The following SNX31 variants were observed in gnomAD, a reference collection of about 807,000 sequenced individuals.
SNX31 encodes the protein sorting nexin 31.
A neutral mutation model predicts 65.4 loss-of-function variants in SNX31; 58 were observed. That is an observed-to-expected ratio of 0.89 (90% CI 0.72 to 1.10). SNX31 has a LOEUF of 1.10. Among genes scored for constraint, SNX31 ranks in the 50% least tolerant of loss-of-function variants. The probability of loss-of-function intolerance (pLI) is 0.00; values close to 1 mark genes in which losing one functional copy is unlikely to be tolerated. For missense variants in SNX31, 523 were observed against 529.7 expected, an observed-to-expected ratio of 0.99 and a Z score of 0.12; for synonymous variants, 181 against 190.1, an observed-to-expected ratio of 0.95 and a Z score of 0.39.
intron 4 of SNX31, among the ~76,000 whole-genome samples, chr8:100,620,912 G>A (rs1201422561): frequency 6.6e-6 from 1 of 152,148 alleles, no homozygotes; most frequent in Non-Finnish European, 1.5e-5. Flanking sequence ...GAGGTCAGGA[G>A]TTCGAGACCA....
rs1819889864 is a variant in SNX31, at chr8:100,649,530, TG to T, written c.-17del. ...GCATCTTCATGGCTGAGCGGTGTCT[TG>T]GGAGTAGCGCTGGGAACCCGACCTG... On this transcript the variant is annotated 5_prime_UTR_variant, in exon 1 of 14. Transcript: ENST00000311812. The T allele has an allele frequency of 6.4e-7, 1 of 1,558,702 alleles. No homozygotes were observed. Among genetic ancestry groups the T allele is most frequent in the Admixed American group, 1.9e-5 (1 of 51,610 alleles).
rs914397290 is a variant in SNX31, at chr8:100,588,310, A to T, written c.1092+556T>A. Among the ~76,000 whole-genome samples the T allele has an allele frequency of 6.6e-6, 1 of 152,224 alleles. No homozygotes were observed. The highest frequency in any genetic ancestry group is 2.4e-5 in the African/African-American group (1 of 41,458). ...CATTTGGGATAAGGGATACTCAACC[A>T]GTGGCTTTTTATCTGCTTGGAAAAG... On this transcript the variant is annotated intron_variant, in intron 11 of 13. Transcript: ENST00000311812. The surrounding 1 kb of genome is among the most constrained non-coding windows in gnomAD (Gnocchi z 4.8).
In SNX31 at chr8:100,629,277, G is replaced by A. The variant is rs1818265341; in HGVS notation, c.321+1050C>T. On this transcript the variant is annotated intron_variant, in intron 4 of 13. Transcript: ENST00000311812. The surrounding 1 kb of genome is among the most constrained non-coding windows in gnomAD (Gnocchi z 5.1). ...ATACACAACAGTTGTCACTGAGGAGGGGGATCATAAGGGAAGAAAAGTTAC... is the reference window on the plus strand; with the variant it reads ...ATACACAACAGTTGTCACTGAGGAGAGGGATCATAAGGGAAGAAAAGTTAC... Among the ~76,000 whole-genome samples the A allele has an allele frequency of 6.6e-6, 1 of 152,166 alleles. No homozygotes were observed. Among genetic ancestry groups the A allele is most frequent in the Admixed American group, 6.5e-5 (1 of 15,278 alleles).
At chr8:100,658,110 T>C (rs1820080449) in intron 1 of SNX31, among the ~76,000 whole-genome samples, 1 of 152,060 alleles carries the variant, frequency 6.6e-6, no homozygotes, top group Non-Finnish European at 1.5e-5. Flanking sequence ...TTTAATTGTT[T>C]TTTGGAGGAT....
chr8:100,600,445 A>C lies in SNX31; in HGVS notation c.682-4T>G. On this transcript the variant is annotated splice_region_variant and splice_polypyrimidine_tract_variant and intron_variant, in intron 8 of 13. Coordinates refer to ENST00000311812, the MANE Select transcript of SNX31 (RefSeq NM_152628.4). ...CTTTTTCAATGTCCTGTATTGCCTT[A>C]AAATAACATAAGTTGTAAAATTAGC... is the stretch of plus-strand genomic sequence containing the variant. 1 of 1,606,660 alleles carries C rather than the reference A, an allele frequency of 6.2e-7. No individual in the cohort carries two copies. Among genetic ancestry groups the C allele is most frequent in the Non-Finnish European group, 8.5e-7 (1 of 1,176,906 alleles).
intron 2 of SNX31, among the ~76,000 whole-genome samples, chr8:100,638,439 C>T (rs75953156): frequency 0.014 from 2,115 of 152,270 alleles, 52 homozygotes; most frequent in African/African-American, 0.048. Flanking sequence ...ACAGCATTTC[C>T]ATCAGCACAA....
intron 12 of SNX31, among the ~76,000 whole-genome samples, chr8:100,581,780 G>A (rs984265656): frequency 2.6e-5 from 4 of 152,028 alleles, no homozygotes; most frequent in African/African-American, 4.8e-5. Flanking sequence ...AGGGAATGAC[G>A]CCATGGTACA....
rs1812969842 is a variant in SNX31, at chr8:100,575,451, C to T, written c.1228-1491G>A. On this transcript the variant is annotated intron_variant, in intron 13 of 13. Transcript: ENST00000311812. This position sits in a 1 kb window ranked among gnomAD's most constrained non-coding sequence, Gnocchi z 5.1. ...TATAGTTGGACACTAGGTCTCTTTC[C>T]GACCTGCTGGTCCTACTCACAGCAT... Among the ~76,000 whole-genome samples the T allele has an allele frequency of 6.6e-6, 1 of 152,146 alleles. No homozygotes were observed.
chr8:100,581,968 T>G (rs1813595086), intron 12 of SNX31, among the ~76,000 whole-genome samples: 1 of 152,218 alleles, frequency 6.6e-6, no homozygotes, highest in Non-Finnish European at 1.5e-5. Flanking sequence ...CCTTACAAAA[T>G]CCTCTTGGAA....
intron 11 of SNX31, among the ~76,000 whole-genome samples, chr8:100,587,554 ATATGTGAATAAG>A (rs1814161210): frequency 1.3e-5 from 2 of 152,214 alleles, no homozygotes. Flanking sequence ...TTGATTATGT[ATATGTGAATAAG>A]TATAAGAAAT....
chr8:100,652,379 G>A (rs1819990709), upstream of SNX31, among the ~76,000 whole-genome samples: 2 of 152,058 alleles, frequency 1.3e-5, no homozygotes, highest in African/African-American at 4.8e-5. Flanking sequence ...AATTTACTCT[G>A]TGCCTGGTGC....
intron 3 of SNX31, among the ~76,000 whole-genome samples, chr8:100,632,399 C>T (rs533895355): frequency 6.6e-6 from 1 of 151,644 alleles, no homozygotes; most frequent in South Asian, 2.1e-4. Context: ...AAGTATGGTC[C>T]CATGACAAAA....
intron 2 of SNX31, among the ~76,000 whole-genome samples, chr8:100,640,771 A>T (rs1018382956): frequency 6.6e-6 from 1 of 152,108 alleles, no homozygotes; most frequent in Non-Finnish European, 1.5e-5. Flanking sequence ...TCTGACAAGT[A>T]CTCATCAGAA....
chr8:100,654,291 G>A (rs746405223), upstream of SNX31, among the ~76,000 whole-genome samples: 10 of 152,274 alleles, frequency 6.6e-5, no homozygotes, highest in East Asian at 1.9e-4. Context: ...GATTACAGGC[G>A]TGAGCCACTG....
At chr8:100,641,563 AAAATATAT>A (rs1819194447) in intron 2 of SNX31, among the ~76,000 whole-genome samples, 5 of 22,588 alleles carry the variant, frequency 2.2e-4, no homozygotes, top group African/African-American at 1.6e-3. Context: ...AAAAAAAAAA[AAAATATAT>A]ATATATATAT....
intron 12 of SNX31, among the ~76,000 whole-genome samples, chr8:100,583,394 C>A (rs893343153): frequency 2.0e-5 from 3 of 151,952 alleles, no homozygotes. Context: ...CATGAGCCAC[C>A]ATGCCCGGCC....
At position 100,630,093 on chromosome 8, in the gene SNX31, T is replaced by C. The variant is rs1342481540; in HGVS notation, c.321+234A>G. Among the ~76,000 whole-genome samples the C allele has an allele frequency of 6.6e-6, 1 of 152,200 alleles. No individual in the cohort carries two copies. Among genetic ancestry groups the C allele is most frequent in the Non-Finnish European group, 1.5e-5 (1 of 68,038 alleles). ...TAGGCTACAGAAAAAGGGATCTACT[T>C]AATAAAATGAGCCAAAGGTCAAGTG... On this transcript the variant is annotated intron_variant, in intron 4 of 13. Coordinates refer to ENST00000311812, the MANE Select transcript of SNX31 (RefSeq NM_152628.4). The surrounding 1 kb of genome is among the most constrained non-coding windows in gnomAD (Gnocchi z 5.3).
chr8:100,635,982 T>G lies in SNX31; in HGVS notation c.171A>C (p.Pro57=). 1 of 1,614,070 alleles carries G rather than the reference T, an allele frequency of 6.2e-7. No homozygotes were observed. ...QLRRVFGNCL[P]PFPPKYYLAM... Reference sequence around the variant, plus strand: ...CCAGATAGTACTTTGGTGGGAAGGGTGGCAGGCAATTTCCAAAGACCCGCC... The same window carrying G: ...CCAGATAGTACTTTGGTGGGAAGGGGGGCAGGCAATTTCCAAAGACCCGCC... Residue 57 remains proline, a synonymous_variant, in exon 3 of 14, where the codon CCA becomes CCC. Coordinates refer to ENST00000311812, the MANE Select transcript of SNX31 (RefSeq NM_152628.4).
Position 100,627,764 on chromosome 8 carries a change from T to C in SNX31, c.321+2563A>G, listed in dbSNP as rs372096274. ...ATTGGCCAGGCTGGTCTCAAACTCC[T>C]GACCTCAGGTGATCCGCCCACCTCA... On this transcript the variant is annotated intron_variant, in intron 4 of 13. Transcript: ENST00000311812. Among the ~76,000 whole-genome samples, 9 of 152,104 alleles carry C rather than the reference T, an allele frequency of 5.9e-5. No homozygotes were observed. In the East Asian group the frequency reaches 7.7e-4, roughly 13 times the overall value.
Sources: allele counts gnomAD v4.1 joint callset (sites outside exome capture counted in the v4.1 genomes callset), GRCh38; gene constraint gnomAD v4.1.1; non-coding constraint Gnocchi (gnomAD v3.1); transcripts MANE v1.5; gene names NCBI Gene and HGNC (gene_info 2026-07-23, HGNC 2026-07-21).